SARM1: variants seen among roughly 807,000 people sequenced by gnomAD.
SARM1 encodes NAD(+) hydrolase SARM1.
Under a neutral mutation model 65.1 loss-of-function variants are expected in SARM1, and 60 were observed. The ratio of observed to expected loss-of-function variants is 0.92; its 90% CI spans 0.75 to 1.14. The LOEUF (loss-of-function observed/expected upper bound fraction) is 1.14, where lower values mean the gene tolerates loss of function less well. Among genes scored for constraint, SARM1 ranks in the 50% most tolerant of loss-of-function variants. The pLI, the probability that SARM1 is intolerant of heterozygous loss-of-function variation, is 0.00. For synonymous variants in SARM1, 417 were observed against 465.4 expected (o/e 0.90, Z 1.34); for missense variants, 913 against 1,015.7 (o/e 0.90, Z 1.37).
At chr17:28,388,766 C>CTTTTTTTTTTT (rs371410539) in intron 7 of SARM1, among the ~76,000 whole-genome samples, 1 of 135,916 alleles carries the variant, frequency 7.4e-6, no homozygotes. Context: ...TTTTCTTTTT[C>CTTTTTTTTTTT]TTTTTTTTTT....
chr17:28,381,585 C>G lies in SARM1; in HGVS notation c.853C>G (p.Arg285Gly), dbSNP rs782772441. ...AVLATNKEVEREVERSGTLAL... is the reference protein window; with the variant it reads ...AVLATNKEVEGEVERSGTLAL... ...GTTGGCGACTAACAAGGAGGTGGAG[C>G]GCGAGGTGGAGCGCTCGGGCACGCT... The change falls in exon 2 of 9, where the codon CGC becomes GGC. Residue 285 changes from arginine (R) to glycine (G), a missense_variant. Physicochemically the swap from Arg to Gly is moderately radical, Grantham distance 125. This residue lies in a region of SARM1 where 862 missense variants were observed against 952.1 expected (regional missense o/e 0.91). Coordinates refer to ENST00000585482, the MANE Select transcript of SARM1 (RefSeq NM_015077.4). 1 of 1,591,124 alleles carries G rather than the reference C, an allele frequency of 6.3e-7. No individual in the cohort carries two copies. Among genetic ancestry groups the G allele is most frequent in the Non-Finnish European group, 8.5e-7 (1 of 1,169,978 alleles).
chr17:28,382,256 G>A (rs1464864333), intron 2 of SARM1, among the ~76,000 whole-genome samples: 1 of 152,148 alleles, frequency 6.6e-6, no homozygotes, highest in Non-Finnish European at 1.5e-5. Flanking sequence ...AGGAGAAAGA[G>A]GAGCTGAGGA....
Position 28,401,014 on chromosome 17 carries a change from T to C in SARM1, c.*4728T>C. 2.0e-6 allele frequency: 1 copy of C among 503,548 alleles called. No homozygotes were observed. Among genetic ancestry groups the C allele is most frequent in the Non-Finnish European group, 3.5e-6 (1 of 283,144 alleles). 31.2% of individuals were successfully genotyped at this position (503,548 alleles called of 1,614,324 possible). A position where few individuals can be genotyped will look rare whatever the true frequency, so the allele number is the denominator to read the frequency against. ...ATCCACATTAAAAGTACATGTGATC[T>C]GACAGAACCCAGCACATAAAAGAAA... is the stretch of plus-strand genomic sequence containing the variant. On this transcript the variant is annotated 3_prime_UTR_variant, in exon 9 of 9. Coordinates refer to ENST00000585482, the MANE Select transcript of SARM1 (RefSeq NM_015077.4).
chr17:28,381,410 C>G lies in SARM1; in HGVS notation c.678C>G (p.Cys226Trp). 1 of 1,547,356 alleles carries G rather than the reference C, an allele frequency of 6.5e-7. No homozygotes were observed. Among genetic ancestry groups the G allele is most frequent in the Non-Finnish European group, 8.7e-7 (1 of 1,146,464 alleles). Residue 226 changes from cysteine to tryptophan, a missense_variant, in exon 2 of 9, where the codon TGC (cysteine) becomes TGG (tryptophan). Cys to Trp is a radical substitution (Grantham distance 215). Around this residue, in one of 3 missense-constraint regions of SARM1, gnomAD observed 862 missense variants for 952.1 expected, o/e 0.91. Coordinates refer to ENST00000585482, the MANE Select transcript of SARM1 (RefSeq NM_015077.4). The stretch of plus-strand genomic sequence containing the variant: ...CGGACCCCGCGCTGCTGCGCCACTG[C>G]GCGCTGGCGCTGGGCAACTGCGCGC... Reference protein sequence around the residue: ...RRTDPALLRHCALALGNCALH... With the variant: ...RRTDPALLRHWALALGNCALH...
chr17:28,388,347 C>T lies in SARM1; in HGVS notation c.1734-3C>T, dbSNP rs1555586386. ...GTGGCACTGACACAGGACTTACTTG[C>T]AGTCTCCTGAAGGTGCACCTGCAGC... On this transcript the variant is annotated splice_region_variant and splice_polypyrimidine_tract_variant and intron_variant, in intron 6 of 8. Coordinates refer to ENST00000585482, the MANE Select transcript of SARM1 (RefSeq NM_015077.4). 2 of 1,613,576 alleles carry T rather than the reference C, an allele frequency of 1.2e-6. No homozygotes were observed. The highest frequency in any genetic ancestry group is 2.7e-5 in the African/African-American group (2 of 74,926).
At position 28,385,728 on chromosome 17, in the gene SARM1, ATG is replaced by A. The variant is rs1308868227; in HGVS notation, c.1630+459_1630+460del. 1.3e-5 allele frequency among the ~76,000 whole-genome samples: 2 copies of A among 152,130 alleles called. No homozygotes were observed. The highest frequency in any genetic ancestry group is 2.9e-5 in the Non-Finnish European group (2 of 68,016). On this transcript the variant is annotated intron_variant, in intron 5 of 8. Coordinates refer to ENST00000585482, the MANE Select transcript of SARM1 (RefSeq NM_015077.4). This position sits in a 1 kb window ranked among gnomAD's most constrained non-coding sequence, Gnocchi z 4.5. The stretch of plus-strand genomic sequence containing the variant: ...GGGTGTAGGCGGGAAGGGTGTGCGT[ATG>A]TGTGTTATCCTATTGGCCAACAGCT...
At chr17:28,375,214 C>T (rs2067982159) in intron 1 of SARM1, among the ~76,000 whole-genome samples, 1 of 152,218 alleles carries the variant, frequency 6.6e-6, no homozygotes, top group Non-Finnish European at 1.5e-5. Context: ...CCACCCCCTT[C>T]AGGGGATCTT....
chr17:28,374,970 CAAAAAAAAAAAAAAAA>C (rs35032822), intron 1 of SARM1, among the ~76,000 whole-genome samples: 38 of 70,450 alleles, frequency 5.4e-4, no homozygotes, highest in African/African-American at 1.9e-3. Flanking sequence ...CAGACCTTGT[CAAAAAAAAAAAAAAAA>C]AAAAAAAAAC....
chr17:28,403,274 A>G lies in SARM1; in HGVS notation c.*6988A>G, dbSNP rs1555590028. 6.6e-6 allele frequency: 1 copy of G among 152,262 alleles called. No individual in the cohort carries two copies. Among genetic ancestry groups the G allele is most frequent in the Non-Finnish European group, 1.5e-5 (1 of 68,054 alleles). The allele number at this position is 152,262 out of a possible 1,614,324, so 9.4% of individuals were successfully genotyped here. On this transcript the variant is annotated 3_prime_UTR_variant, in exon 9 of 9. Coordinates refer to ENST00000585482, the MANE Select transcript of SARM1 (RefSeq NM_015077.4). The stretch of plus-strand genomic sequence containing the variant: ...TACAGCAATCTCAGGGAACCAATAC[A>G]TGAGGTAAAAAGGTAACATCTATGA...
chr17:28,388,778 T>G (rs1220538726), intron 7 of SARM1, among the ~76,000 whole-genome samples: 1 of 150,868 alleles, frequency 6.6e-6, no homozygotes, highest in Non-Finnish European at 1.5e-5. Flanking sequence ...TTTTTTTTTT[T>G]TTTTGTTTTT....
At position 28,399,977 on chromosome 17, in the gene SARM1, T is replaced by C; in HGVS notation, c.*3691T>C. ...GACATAATCATAGCTCACTGTACCC[T>C]TGAACTCCTGGGCTCAAGTGATCCT... On this transcript the variant is annotated 3_prime_UTR_variant, in exon 9 of 9. Transcript: ENST00000585482. The C allele has an allele frequency of 2.2e-6, 1 of 457,686 alleles. No homozygotes were observed. The highest frequency in any genetic ancestry group is 4.0e-6 in the Non-Finnish European group (1 of 249,432). The allele number at this position is 457,686 out of a possible 1,614,324, so 28.4% of individuals were successfully genotyped here. A position where few individuals can be genotyped will look rare whatever the true frequency, so the allele number is the denominator to read the frequency against.
intron 2 of SARM1, among the ~76,000 whole-genome samples, chr17:28,382,202 A>G (rs1387236122): frequency 4.6e-5 from 7 of 152,154 alleles, no homozygotes; most frequent in African/African-American, 1.7e-4. Flanking sequence ...GAGCAGATTC[A>G]AGAGATGTTT....
chr17:28,386,933 T>C (rs1487321598), intron 5 of SARM1, among the ~76,000 whole-genome samples: 1 of 152,136 alleles, frequency 6.6e-6, no homozygotes, highest in Non-Finnish European at 1.5e-5. Flanking sequence ...GAGACAGGGT[T>C]TCACTATGTT....
Position 28,372,441 on chromosome 17 carries a change from G to C in SARM1, c.409G>C (p.Glu137Gln). The C allele has an allele frequency of 6.5e-7, 1 of 1,530,734 alleles. No individual in the cohort carries two copies. 94.8% of individuals were successfully genotyped at this position (1,530,734 alleles called of 1,614,324 possible). ...DLLLRLLQAP[E>Q]LETRVQAARL... ...GCTGTTGCGGCTGCTGCAGGCGCCG[G>C]AGTTGGAGACGCGTGTGCAGGCCGC... is the stretch of plus-strand genomic sequence containing the variant. Residue 137 changes from glutamate (E) to glutamine (Q), a missense_variant, in exon 1 of 9, where the codon GAG becomes CAG. Physicochemically the swap from Glu to Gln is conservative, Grantham distance 29 (BLOSUM62 2). Transcript: ENST00000585482. This position sits in a 1 kb window ranked among gnomAD's most constrained non-coding sequence, Gnocchi z 5.2.
In SARM1 at chr17:28,399,573, T is replaced by G. The variant is rs782350227; in HGVS notation, c.*3287T>G. Reference sequence around the variant, plus strand: ...TAGACAAGAGTTGCTTGTCCTGCTGTGGGCTGGGCTTCCAGCTGCAGACCT... The same window carrying G: ...TAGACAAGAGTTGCTTGTCCTGCTGGGGGCTGGGCTTCCAGCTGCAGACCT... On this transcript the variant is annotated 3_prime_UTR_variant, in exon 9 of 9. Transcript: ENST00000585482. The G allele has an allele frequency of 7.0e-7, 1 of 1,432,994 alleles. No homozygotes were observed. The highest frequency in any genetic ancestry group is 1.2e-5 in the South Asian group (1 of 85,776). The allele number at this position is 1,432,994 out of a possible 1,614,324, so 88.8% of individuals were successfully genotyped here.
At position 28,384,924 on chromosome 17, in the gene SARM1, G is replaced by T; in HGVS notation, c.1388G>T (p.Arg463Leu). 1.9e-6 allele frequency: 3 copies of T among 1,567,536 alleles called. No homozygotes were observed. The highest frequency in any genetic ancestry group is 2.6e-6 in the Non-Finnish European group (3 of 1,156,226). Residue 463 changes from arginine (R) to leucine (L), a missense_variant, in exon 4 of 9, where the codon CGC (arginine) becomes CTC (leucine). Physicochemically the swap from Arg to Leu is moderately radical, Grantham distance 102. Transcript: ENST00000585482. This position sits in a 1 kb window ranked among gnomAD's most constrained non-coding sequence, Gnocchi z 4.4. The stretch of plus-strand genomic sequence containing the variant: ...CTGGGCATGAAATCGGGCATCACCC[G>T]CAAGAGGTACGGAGCCTCCTGCCCG... The part of the protein sequence containing the change: ...TDLGMKSGIT[R>L]KRFFRELTEL...
intron 5 of SARM1, among the ~76,000 whole-genome samples, chr17:28,387,095 A>T (rs2068054266): frequency 6.6e-6 from 1 of 152,196 alleles, no homozygotes; most frequent in Admixed American, 6.5e-5. Flanking sequence ...CTTACAAAAA[A>T]TAGTTTGTAT....
rs781886204 is a variant in SARM1 at position 28,381,598 on chromosome 17, G to C, written c.866G>C (p.Arg289Pro). 4 of 1,585,912 alleles carry C rather than the reference G, an allele frequency of 2.5e-6. No homozygotes were observed. In the African/African-American group the frequency reaches 4.0e-5, roughly 16 times the overall value. Residue 289 changes from arginine (R) to proline (P), a missense_variant, in exon 2 of 9, where the codon CGC (arginine) becomes CCC (proline). Arg to Pro is a moderately radical substitution (Grantham distance 103). Transcript: ENST00000585482. ...TNKEVEREVE[R>P]SGTLALVEPL... ...AAGGAGGTGGAGCGCGAGGTGGAGC[G>C]CTCGGGCACGCTGGCGCTCGTGGAG...
rs781889108 is a variant in SARM1, at chr17:28,381,392, C to T, written c.660C>T (p.Pro220=). The change falls in exon 2 of 9, where the codon CCC becomes CCT. Residue 220 remains proline, a synonymous_variant. Transcript: ENST00000585482. ...AVLYWCRRTD[P]ALLRHCALAL... ...TGTATTGGTGCCGCCGCACGGACCC[C>T]GCGCTGCTGCGCCACTGCGCGCTGG... 1.3e-6 allele frequency: 2 copies of T among 1,554,374 alleles called. No individual in the cohort carries two copies. Among genetic ancestry groups the T allele is most frequent in the Admixed American group, 2.0e-5 (1 of 50,502 alleles).
Sources: gnomAD v4.1 joint callset for allele counts (sites outside exome capture counted in the v4.1 genomes callset) on GRCh38, gnomAD v4.1.1 for gene constraint, gnomAD v4.1.1 regional missense constraint, Gnocchi (gnomAD v3.1) non-coding constraint, MANE v1.5 for transcripts, NCBI Gene and HGNC (gene_info 2026-07-23, HGNC 2026-07-21) for gene names.